Variants in RALYL observed in about 807,000 individuals in gnomAD.
RALYL encodes the protein RNA-binding Raly-like protein.
Under a neutral mutation model 35.1 loss-of-function variants are expected in RALYL, and 29 were observed. The ratio of observed to expected loss-of-function variants is 0.83; its 90% CI spans 0.61 to 1.13. RALYL has a LOEUF of 1.13. RALYL is among the 50% of genes most tolerant of loss of function. The pLI is 0.00. For missense variants in RALYL, 359 were observed against 360.4 expected (o/e 1.00, Z 0.03); for synonymous variants, 120 against 127.6 (o/e 0.94, Z 0.40).
intron 1 of RALYL, among the ~76,000 whole-genome samples, chr8:84,466,125 AC>A (rs2051585800): frequency 8.9e-6 from 1 of 111,896 alleles, no homozygotes; most frequent in Non-Finnish European, 1.9e-5. Context: ...CTAATAGAAT[AC>A]CCTTTATTTC....
At chr8:84,562,458 C>A (rs952360528) in intron 2 of RALYL, among the ~76,000 whole-genome samples, 3 of 151,924 alleles carry the variant, frequency 2.0e-5, no homozygotes, top group African/African-American at 7.2e-5. Context: ...CTAAATTTGC[C>A]AATTTAATGT....
chr8:84,627,003 A>C (rs1205800205), intron 2 of RALYL, among the ~76,000 whole-genome samples: 1 of 152,162 alleles, frequency 6.6e-6, no homozygotes, highest in Non-Finnish European at 1.5e-5. Context: ...AGAAAAAATT[A>C]GTACTATTAT....
Position 84,472,522 on chromosome 8 carries a change from T to A in RALYL, c.-23-56777T>A, listed in dbSNP as rs550675855. 2.9e-4 allele frequency among the ~76,000 whole-genome samples: 44 copies of A among 152,332 alleles called. No homozygotes were observed. In the South Asian group the frequency reaches 5.0e-3, roughly 17 times the overall value. ...CAAGAAATGTACCTTAGTATCTTTG[T>A]GTTTAGAGAAACTAGTCCATTTCAC... On this transcript the variant is annotated intron_variant, in intron 1 of 8. Transcript: ENST00000521268.
intron 2 of RALYL, among the ~76,000 whole-genome samples, chr8:84,631,231 A>G (rs1214178595): frequency 6.6e-6 from 1 of 152,010 alleles, no homozygotes; most frequent in African/African-American, 2.4e-5. Context: ...TTATTGTCCA[A>G]GAAAAGAAAT....
rs569293961 is a variant in RALYL at position 84,351,875 on chromosome 8, A to C, written c.-24+167451A>C. The stretch of plus-strand genomic sequence containing the variant: ...TTTTAATACATTCATTACATTTGCA[A>C]TTTAAGAAGCAAATGAATTAAGTTC... On this transcript the variant is annotated intron_variant, in intron 1 of 8. Transcript: ENST00000521268. 4.7e-5 allele frequency among the ~76,000 whole-genome samples: 7 copies of C among 150,470 alleles called. 2 individuals are homozygous for C. The highest frequency in any genetic ancestry group is 1.5e-4 in the African/African-American group (6 of 40,518).
intron 1 of RALYL, among the ~76,000 whole-genome samples, chr8:84,353,188 T>C (rs895770361): frequency 1.3e-5 from 2 of 150,170 alleles, no homozygotes; most frequent in Non-Finnish European, 3.0e-5. Context: ...GAGCACCCTC[T>C]ATGTCCCGGA....
chr8:84,618,237 T>C (rs1820337239), intron 2 of RALYL, among the ~76,000 whole-genome samples: 1 of 151,248 alleles, frequency 6.6e-6, no homozygotes, highest in Admixed American at 6.6e-5. Flanking sequence ...CTCTTTTTGG[T>C]TGGTAAGCTA....
At chr8:84,854,943 G>A (rs937320145) in intron 5 of RALYL, among the ~76,000 whole-genome samples, 14 of 152,308 alleles carry the variant, frequency 9.2e-5, no homozygotes, top group Non-Finnish European at 1.8e-4. Context: ...TGGGCTGACA[G>A]GTGCTGGGGT....
chr8:84,631,089 A>G (rs1332852011), intron 2 of RALYL, among the ~76,000 whole-genome samples: 3 of 152,008 alleles, frequency 2.0e-5, no homozygotes, highest in Non-Finnish European at 4.4e-5. Context: ...GATTACCAAC[A>G]AGTCCCAAAC....
intron 4 of RALYL, among the ~76,000 whole-genome samples, chr8:84,844,608 C>T (rs1834199124): frequency 6.6e-6 from 1 of 152,194 alleles, no homozygotes; most frequent in African/African-American, 2.4e-5. Context: ...ACCCAGCCAT[C>T]CCATTACTGG....
chr8:84,552,859 A>C (rs186457979), intron 2 of RALYL, among the ~76,000 whole-genome samples: 48 of 152,182 alleles, frequency 3.2e-4, no homozygotes, highest in African/African-American at 1.1e-3. Flanking sequence ...AAAATGAGGA[A>C]ATTATTATAT....
intron 5 of RALYL, among the ~76,000 whole-genome samples, chr8:84,856,503 C>T (rs894242432): frequency 2.0e-5 from 3 of 152,086 alleles, no homozygotes; most frequent in Non-Finnish European, 4.4e-5. Context: ...GAAGTATTTC[C>T]GTGTGATCCA....
chr8:84,444,584 T>A lies in RALYL; in HGVS notation c.-23-84715T>A, dbSNP rs572581769. ...TAGCAGATCCATTTGTCTACCTGTT[T>A]TATCACTCTAGAGGTGGTACTGAAA... On this transcript the variant is annotated intron_variant, in intron 1 of 8. Coordinates refer to ENST00000521268, the MANE Select transcript of RALYL (RefSeq NM_173848.7). 2.8e-4 allele frequency among the ~76,000 whole-genome samples: 42 copies of A among 152,128 alleles called. No individual in the cohort carries two copies. The South Asian group carries it at 8.3e-3, about 30-fold the overall frequency.
chr8:84,575,104 C>T (rs1043970369), intron 2 of RALYL, among the ~76,000 whole-genome samples: 5 of 152,134 alleles, frequency 3.3e-5, no homozygotes, highest in Admixed American at 6.5e-5. Context: ...TACAGCATTA[C>T]ATTTTTATTC....
chr8:84,487,348 A>T (rs2054758350), intron 1 of RALYL, among the ~76,000 whole-genome samples: 1 of 152,078 alleles, frequency 6.6e-6, no homozygotes, highest in Admixed American at 6.6e-5. Flanking sequence ...CTGAATTTTG[A>T]GATAAGAAAT....
At chr8:84,878,108 G>C (rs1216401739) in intron 7 of RALYL, among the ~76,000 whole-genome samples, 2 of 152,136 alleles carry the variant, frequency 1.3e-5, no homozygotes, top group African/African-American at 2.4e-5. Context: ...ATAAATGGTT[G>C]AAAGTCTGTT....
chr8:84,544,784 T>TTTACATATA (rs1284340923), intron 2 of RALYL, among the ~76,000 whole-genome samples: 1 of 152,082 alleles, frequency 6.6e-6, no homozygotes, highest in Non-Finnish European at 1.5e-5. Flanking sequence ...CAGCATCTGT[T>TTTACATATA]TTCCATATAT....
At chr8:84,571,465 C>A (rs988927132) in intron 2 of RALYL, among the ~76,000 whole-genome samples, 3 of 151,606 alleles carry the variant, frequency 2.0e-5, no homozygotes, top group Non-Finnish European at 4.4e-5. Context: ...GTTAATGTCA[C>A]CTTTATAATT....
chr8:84,635,792 T>A (rs2131304243), intron 2 of RALYL, among the ~76,000 whole-genome samples: 1 of 151,918 alleles, frequency 6.6e-6, no homozygotes, highest in East Asian at 1.9e-4. Context: ...ATTCAATCAA[T>A]GTCAGCTTCT....
Sources: allele counts gnomAD v4.1 joint callset (sites outside exome capture counted in the v4.1 genomes callset), GRCh38; gene constraint gnomAD v4.1.1; transcripts MANE v1.5; gene names NCBI Gene and HGNC (gene_info 2026-07-23, HGNC 2026-07-21).